ZNF385D: variants seen among roughly 807,000 people sequenced by gnomAD.
The protein encoded by ZNF385D is zinc finger protein 385D, also known as zinc finger protein 659.
Under a neutral mutation model 35.8 loss-of-function variants are expected in ZNF385D, and 15 were observed. The observed-to-expected ratio is 0.42, with a 90% CI of 0.28 to 0.64. The LOEUF (loss-of-function observed/expected upper bound fraction) is 0.64, where lower values mean the gene tolerates loss of function less well. Ranked by LOEUF, ZNF385D falls within the 30% of genes least tolerant of loss-of-function variation. The pLI, the probability that ZNF385D is intolerant of heterozygous loss-of-function variation, is 0.23. For synonymous variants in ZNF385D, 212 were observed against 186.8 expected (o/e 1.13, Z -1.10); for missense variants, 474 against 494.6 (o/e 0.96, Z 0.39).
At chr3:21,602,867 C>A (rs996906346) in intron 2 of ZNF385D, among the ~76,000 whole-genome samples, 4 of 152,188 alleles carry the variant, frequency 2.6e-5, no homozygotes, top group African/African-American at 9.6e-5. Context: ...CAGAACTCGG[C>A]CCACATGCAG....
At chr3:21,602,785 G>A (rs984735425) in intron 2 of ZNF385D, among the ~76,000 whole-genome samples, 45 of 150,612 alleles carry the variant, frequency 3.0e-4, no homozygotes, top group Non-Finnish European at 2.5e-4. Context: ...CACCCGCCTC[G>A]GCCTCCCAAA....
intron 3 of ZNF385D, among the ~76,000 whole-genome samples, chr3:21,560,876 C>T (rs1184630130): frequency 6.6e-6 from 1 of 152,108 alleles, no homozygotes. Context: ...GACAGTCTGG[C>T]CACAGGGGCC....
chr3:21,498,940 C>A (rs1164801804), intron 4 of ZNF385D, among the ~76,000 whole-genome samples: 1 of 91,250 alleles, frequency 1.1e-5, no homozygotes, highest in Admixed American at 1.4e-4. Flanking sequence ...AGCAAGACTC[C>A]ATCTCAAAAA....
chr3:21,710,366 G>T (rs1359628618), intron 1 of ZNF385D, among the ~76,000 whole-genome samples: 1 of 152,170 alleles, frequency 6.6e-6, no homozygotes, highest in East Asian at 1.9e-4. Context: ...TGAGACTGGG[G>T]TAGGGTGATA....
chr3:21,471,778 T>C (rs1205685225), intron 4 of ZNF385D, among the ~76,000 whole-genome samples: 2 of 152,176 alleles, frequency 1.3e-5, no homozygotes, highest in Non-Finnish European at 2.9e-5. Context: ...TCTTTTTGAG[T>C]AGATTTACAG....
chr3:22,025,303 G>C (rs376510456), intron 3 of ZNF385D, among the ~76,000 whole-genome samples: 1 of 152,154 alleles, frequency 6.6e-6, no homozygotes, highest in South Asian at 2.1e-4. Context: ...AGATAATGTT[G>C]ATTCTCCTTA....
At chr3:21,472,349 A>C (rs1044093682) in intron 4 of ZNF385D, among the ~76,000 whole-genome samples, 6 of 152,146 alleles carry the variant, frequency 3.9e-5, no homozygotes, top group African/African-American at 1.4e-4. Context: ...ATGCTAAAGG[A>C]CATAGAGGAG....
chr3:22,025,655 G>T (rs1270902561), intron 3 of ZNF385D, among the ~76,000 whole-genome samples: 4 of 152,102 alleles, frequency 2.6e-5, no homozygotes, highest in African/African-American at 9.7e-5. Context: ...TTAAAAGATG[G>T]CCCACTGTGA....
At chr3:21,918,521 C>T (rs1700303146) in intron 3 of ZNF385D, among the ~76,000 whole-genome samples, 2 of 152,018 alleles carry the variant, frequency 1.3e-5, no homozygotes, top group South Asian at 2.1e-4. Flanking sequence ...ATTTTCATTA[C>T]TCAAATTGGA....
intron 2 of ZNF385D, among the ~76,000 whole-genome samples, chr3:22,301,828 C>G (rs970440419): frequency 6.6e-6 from 1 of 151,928 alleles, no homozygotes; most frequent in Non-Finnish European, 1.5e-5. Flanking sequence ...TAACTATTGT[C>G]CTGTTGATTT....
intron 3 of ZNF385D, among the ~76,000 whole-genome samples, chr3:22,111,177 GTT>G (rs1559377186): frequency 9.5e-6 from 1 of 105,582 alleles, no homozygotes; most frequent in Admixed American, 1.1e-4. Context: ...TTTTTTTTTT[GTT>G]TTTTTTGTAC....
chr3:21,639,484 A>G (rs1365345419), intron 2 of ZNF385D, among the ~76,000 whole-genome samples: 1 of 152,076 alleles, frequency 6.6e-6, no homozygotes, highest in Non-Finnish European at 1.5e-5. Flanking sequence ...ATAATGCTTG[A>G]ATTTATCATG....
chr3:22,321,100 C>A (rs970094281), intron 2 of ZNF385D, among the ~76,000 whole-genome samples: 4 of 149,502 alleles, frequency 2.7e-5, no homozygotes, highest in African/African-American at 7.3e-5. Context: ...TATCACACTT[C>A]ATCCTGTTCA....
chr3:22,242,144 G>A (rs565517642), intron 2 of ZNF385D, among the ~76,000 whole-genome samples: 5 of 150,742 alleles, frequency 3.3e-5, no homozygotes, highest in Non-Finnish European at 7.4e-5. Flanking sequence ...GTTAGTGGGT[G>A]CAGCGCACCA....
chr3:22,164,013 C>T (rs1965306), intron 3 of ZNF385D, among the ~76,000 whole-genome samples: 85,370 of 152,004 alleles, frequency 0.56, 26,237 homozygotes, highest in African/African-American at 0.82. Flanking sequence ...AGGCTTGTAA[C>T]TGGGTTCATT....
At chr3:21,712,585 G>C (rs2068155410) in intron 1 of ZNF385D, among the ~76,000 whole-genome samples, 1 of 152,076 alleles carries the variant, frequency 6.6e-6, no homozygotes, top group Middle Eastern at 3.2e-3. Flanking sequence ...TAACACCGCT[G>C]TAAAATGACT....
chr3:21,765,344 G>A (rs995073868), intron 3 of ZNF385D, among the ~76,000 whole-genome samples: 2 of 152,024 alleles, frequency 1.3e-5, no homozygotes, highest in Non-Finnish European at 2.9e-5. Flanking sequence ...GTATTTCAGA[G>A]CAGCTGCCAA....
At chr3:21,554,365 A>G (rs12491476) in intron 3 of ZNF385D, among the ~76,000 whole-genome samples, 30,830 of 152,168 alleles carry the variant, frequency 0.2, 3,929 homozygotes, top group Non-Finnish European at 0.29. Flanking sequence ...TGAGCAATAA[A>G]TCTCAAGAGT....
At chr3:21,990,557 T>C (rs1695091857) in intron 3 of ZNF385D, among the ~76,000 whole-genome samples, 1 of 152,230 alleles carries the variant, frequency 6.6e-6, no homozygotes, top group Non-Finnish European at 1.5e-5. Flanking sequence ...TATGCAATTA[T>C]CAGTAATTAT....
Sources: allele counts gnomAD v4.1 joint callset (sites outside exome capture counted in the v4.1 genomes callset), GRCh38; gene constraint gnomAD v4.1.1; transcripts MANE v1.5; gene names NCBI Gene and HGNC (gene_info 2026-07-23, HGNC 2026-07-21).